PLD5: variants seen among roughly 807,000 people sequenced by gnomAD.
PLD5 encodes inactive phospholipase D5.
A neutral mutation model predicts 61.1 loss-of-function variants in PLD5; 36 were observed. That is an observed-to-expected ratio of 0.59 (90% CI 0.45 to 0.78). PLD5 has a LOEUF of 0.78. Among genes scored for constraint, PLD5 ranks in the 30% least tolerant of loss-of-function variants. PLD5 has a pLI of 0.00. For synonymous variants in PLD5, 243 were observed against 242.8 expected, an observed-to-expected ratio of 1.00 and a Z score of -0.01; for missense variants, 515 against 644.4, an observed-to-expected ratio of 0.80 and a Z score of 2.17.
chr1:242,333,050 G>C (rs1262778229), intron 2 of PLD5, among the ~76,000 whole-genome samples: 1 of 152,152 alleles, frequency 6.6e-6, no homozygotes, highest in Non-Finnish European at 1.5e-5. Context: ...TAGACATGAA[G>C]GCATGGAGGC....
chr1:242,475,663 C>T (rs1667575282), intron 1 of PLD5, among the ~76,000 whole-genome samples: 4 of 152,150 alleles, frequency 2.6e-5, no homozygotes, highest in Admixed American at 2.0e-4. Flanking sequence ...CAGACCCCCA[C>T]CAAACCCCTG....
In PLD5 at chr1:242,342,140, G is replaced by A. The variant is rs1297764573; in HGVS notation, c.326+5966C>T. Among the ~76,000 whole-genome samples, 3 of 152,200 alleles carry A rather than the reference G, an allele frequency of 2.0e-5. No individual in the cohort carries two copies. In the East Asian group the frequency reaches 5.8e-4, roughly 29 times the overall value. On this transcript the variant is annotated intron_variant, in intron 2 of 9. Coordinates refer to ENST00000536534, the MANE Select transcript of PLD5 (RefSeq NM_001372062.1). ...TATTGTCATGAGGATTGGGCCTGAA[G>A]TCAGGGAGGAGAAGGATGCTGACTG...
intron 3 of PLD5, among the ~76,000 whole-genome samples, chr1:242,278,477 A>G (rs1344188538): frequency 6.6e-6 from 1 of 152,228 alleles, no homozygotes; most frequent in Non-Finnish European, 1.5e-5. Context: ...AAAGCAAGCA[A>G]GAACATAATC....
At chr1:242,098,498 G>A (rs905384041) in intron 9 of PLD5, among the ~76,000 whole-genome samples, 5 of 152,080 alleles carry the variant, frequency 3.3e-5, no homozygotes, top group African/African-American at 1.2e-4. Flanking sequence ...TTTGCCATGG[G>A]TTCGAACTTC....
In PLD5 at chr1:242,084,213, G is replaced by A. The variant is rs937944996; in HGVS notation, c.*5641C>T. 1 of 151,670 alleles carries A rather than the reference G, an allele frequency of 6.6e-6. No individual in the cohort carries two copies. The highest frequency in any genetic ancestry group is 1.5e-5 in the Non-Finnish European group (1 of 67,962). The allele number at this position is 151,670 out of a possible 1,614,324, so 9.4% of individuals were successfully genotyped here. A position where few individuals can be genotyped will look rare whatever the true frequency, so the allele number is the denominator to read the frequency against. ...AAAAAACACGAAATTGTAGCATTCAGAAACTGCCAATAAAATCAGAATACT... is the reference window on the plus strand; with the variant it reads ...AAAAAACACGAAATTGTAGCATTCAAAAACTGCCAATAAAATCAGAATACT... On this transcript the variant is annotated 3_prime_UTR_variant, in exon 10 of 10. Coordinates refer to ENST00000536534, the MANE Select transcript of PLD5 (RefSeq NM_001372062.1).
intron 6 of PLD5, among the ~76,000 whole-genome samples, chr1:242,123,182 A>G (rs1662520407): frequency 6.6e-6 from 1 of 152,188 alleles, no homozygotes; most frequent in African/African-American, 2.4e-5. Context: ...TATGACTTTA[A>G]GCAAACTGAT....
At chr1:242,330,529 C>T (rs554297351) in intron 2 of PLD5, among the ~76,000 whole-genome samples, 14 of 152,244 alleles carry the variant, frequency 9.2e-5, no homozygotes, top group African/African-American at 2.6e-4. Flanking sequence ...ATTTTTATGC[C>T]GAAGGGCTGT....
chr1:242,195,060 G>C (rs1668551577), intron 5 of PLD5, among the ~76,000 whole-genome samples: 1 of 152,056 alleles, frequency 6.6e-6, no homozygotes, highest in Non-Finnish European at 1.5e-5. Flanking sequence ...GAGATAACAA[G>C]GAAAAAAAGT....
intron 5 of PLD5, among the ~76,000 whole-genome samples, chr1:242,149,507 CT>C (rs60916257): frequency 0.014 from 2,038 of 144,582 alleles, 51 homozygotes; most frequent in African/African-American, 0.047. Context: ...AAGTGTTTTA[CT>C]TTTTTTTTTT....
intron 2 of PLD5, 82 bp downstream of exon 2, chr1:242,348,024 T>C: frequency 6.5e-7 from 1 of 1,528,980 alleles, no homozygotes; most frequent in Non-Finnish European, 8.9e-7. Flanking sequence ...TGTGTTTATG[T>C]ATTCTCTTCT....
chr1:242,346,559 C>A lies in PLD5; in HGVS notation c.326+1547G>T, dbSNP rs7536459. 4.9e-4 allele frequency among the ~76,000 whole-genome samples: 74 copies of A among 152,296 alleles called. 2 individuals carry two copies. In the South Asian group the frequency reaches 0.015, roughly 30 times the overall value. Reference sequence around the variant, plus strand: ...AGATGACAGTAATCTACTGTTCTTCCATTGCTTTCATTACAGTAATCACAA... The same window carrying A: ...AGATGACAGTAATCTACTGTTCTTCAATTGCTTTCATTACAGTAATCACAA... On this transcript the variant is annotated intron_variant, in intron 2 of 9. Coordinates refer to ENST00000536534, the MANE Select transcript of PLD5 (RefSeq NM_001372062.1).
At chr1:242,298,852 TCAGA>T (rs951935818) in intron 2 of PLD5, among the ~76,000 whole-genome samples, 1 of 152,076 alleles carries the variant, frequency 6.6e-6, no homozygotes, top group Non-Finnish European at 1.5e-5. Context: ...AAAGGAACAA[TCAGA>T]AAGAAACTTG....
chr1:242,475,359 C>G (rs1010369018), intron 1 of PLD5, among the ~76,000 whole-genome samples: 2 of 140,618 alleles, frequency 1.4e-5, no homozygotes, highest in African/African-American at 2.7e-5. Context: ...GGAAGCGGAG[C>G]TTGCAGTGAG....
rs143100332 is a variant in PLD5 at position 242,405,912 on chromosome 1, C to T, written c.190-57670G>A. ...CCACTGAGCCTGGCCCTATATGATA[C>T]TTTTGACCTAAAAAAAAATCTAGCA... On this transcript the variant is annotated intron_variant, in intron 1 of 9. Coordinates refer to ENST00000536534, the MANE Select transcript of PLD5 (RefSeq NM_001372062.1). Among the ~76,000 whole-genome samples, 678 of 124,218 alleles carry T rather than the reference C, an allele frequency of 5.5e-3. 4 individuals are homozygous for T. The highest frequency in any genetic ancestry group is 0.024 in the African/African-American group (624 of 26,492). The allele number at this position is 124,218 out of a possible 152,430, so 81.5% of individuals were successfully genotyped here. A position where few individuals can be genotyped will look rare whatever the true frequency, so the allele number is the denominator to read the frequency against.
At chr1:242,094,349 G>C (rs1330548269) in intron 9 of PLD5, among the ~76,000 whole-genome samples, 1 of 152,116 alleles carries the variant, frequency 6.6e-6, no homozygotes, top group African/African-American at 2.4e-5. Flanking sequence ...AGTTTGCAGA[G>C]CTTGACTCAA....
At chr1:242,206,516 A>T (rs316862) in intron 5 of PLD5, among the ~76,000 whole-genome samples, 1 of 152,142 alleles carries the variant, frequency 6.6e-6, no homozygotes, top group Admixed American at 6.5e-5. Flanking sequence ...TAGCTTTGGG[A>T]TCCCCAGAAA....
At chr1:242,321,329 G>A (rs185148834) in intron 2 of PLD5, among the ~76,000 whole-genome samples, 22 of 149,248 alleles carry the variant, frequency 1.5e-4, no homozygotes, top group African/African-American at 4.0e-4. Context: ...TTTGGATGGA[G>A]TTTCACTCTT....
chr1:242,432,699 A>G (rs762886902), intron 1 of PLD5, among the ~76,000 whole-genome samples: 25 of 152,156 alleles, frequency 1.6e-4, no homozygotes, highest in Non-Finnish European at 3.2e-4. Flanking sequence ...TGGAGGTCAC[A>G]TGGGTAGGCA....
At chr1:242,347,679 C>G (rs1426404663) in intron 2 of PLD5, among the ~76,000 whole-genome samples, 1 of 152,234 alleles carries the variant, frequency 6.6e-6, no homozygotes, top group Non-Finnish European at 1.5e-5. Flanking sequence ...CTCATCGACA[C>G]ACTTACTTCT....
Sources: allele counts gnomAD v4.1 joint callset (sites outside exome capture counted in the v4.1 genomes callset), GRCh38; gene constraint gnomAD v4.1.1; transcripts MANE v1.5; gene names NCBI Gene and HGNC (gene_info 2026-07-23, HGNC 2026-07-21).